MYO7A: variants seen among roughly 807,000 people sequenced by gnomAD.
The protein encoded by MYO7A is unconventional myosin-VIIa.
In MYO7A, 210 loss-of-function variants were observed where a neutral mutation model predicts 263.8. The observed-to-expected ratio is 0.80, with a 90% CI of 0.71 to 0.89. The LOEUF (loss-of-function observed/expected upper bound fraction) is 0.89, where lower values mean the gene tolerates loss of function less well. Among genes scored for constraint, MYO7A ranks in the 40% least tolerant of loss-of-function variants. The pLI is 0.00. For missense variants in MYO7A, 2,820 were observed against 2,968.3 expected, an observed-to-expected ratio of 0.95 and a Z score of 1.16; for synonymous variants, 1,239 against 1,197.3, an observed-to-expected ratio of 1.03 and a Z score of -0.72.
chr11:77,142,954 C>A, intron 3 of MYO7A, 132 bp downstream of exon 3: 1 of 744,714 alleles, frequency 1.3e-6, no homozygotes, highest in South Asian at 1.7e-5. Context: ...CTCTCAGATG[C>A]CCCCTTCCAT....
At chr11:77,164,692 C>A (rs1183848570) in intron 14 of MYO7A, among the ~76,000 whole-genome samples, 1 of 152,226 alleles carries the variant, frequency 6.6e-6, no homozygotes, top group African/African-American at 2.4e-5. Context: ...TTCAGTTCAA[C>A]CAATATGCTC....
rs547493219 is a variant in MYO7A, at chr11:77,187,491, C to T, written c.3504-1853C>T. Among the ~76,000 whole-genome samples the T allele has an allele frequency of 2.4e-4, 36 of 152,310 alleles. No individual in the cohort carries two copies. The South Asian group carries it at 7.5e-3, about 32-fold the overall frequency. The stretch of plus-strand genomic sequence containing the variant: ...GCTTTGATCATCATCATCCAACATG[C>T]ATTTCCTGCTTTAACCCCGCTGCCG... On this transcript the variant is annotated intron_variant, in intron 27 of 48. Transcript: ENST00000409709.
intron 16 of MYO7A, 35 bp downstream of exon 16, chr11:77,172,920 G>C (rs1555077405): frequency 1.3e-6 from 2 of 1,533,288 alleles, no homozygotes; most frequent in South Asian, 2.4e-5. Flanking sequence ...GCGGGTGGCG[G>C]CTAGGGTGAC....
At chr11:77,147,291 C>T (rs184894879) in intron 3 of MYO7A, among the ~76,000 whole-genome samples, 96 of 152,190 alleles carry the variant, frequency 6.3e-4, no homozygotes, top group African/African-American at 8.2e-4. Context: ...GCCACCTCCT[C>T]GGAGGGGCAG....
At position 77,183,380 on chromosome 11, in the gene MYO7A, G is replaced by A. The variant is rs558974239; in HGVS notation, c.3375+223G>A. ...GGGTGGGATCTCAGGCCGGGGGTGG[G>A]AAGGGCTTCCTAGCAGAGGGCACTG... On this transcript the variant is annotated intron_variant, in intron 26 of 48. Coordinates refer to ENST00000409709, the MANE Select transcript of MYO7A (RefSeq NM_000260.4). Among the ~76,000 whole-genome samples the A allele has an allele frequency of 5.3e-5, 8 of 152,248 alleles. No individual in the cohort carries two copies. In the East Asian group the frequency reaches 1.4e-3, roughly 26 times the overall value.
Position 77,156,886 on chromosome 11 carries a change from G to C in MYO7A, c.617G>C (p.Arg206Pro). Residue 206 changes from arginine to proline, a missense_variant, in exon 7 of 49, where the codon CGC (arginine) becomes CCC (proline). Transcript: ENST00000409709. The stretch of plus-strand genomic sequence containing the variant: ...GCATTTGGGAATGCCAAGACCATCC[G>C]CAATGACAACTCAAGCCGTTTCGGA... ...LEAFGNAKTI[R>P]NDNSSRFGKY... The C allele has an allele frequency of 6.2e-7, 1 of 1,613,950 alleles. No homozygotes were observed.
rs782804896 is a variant in MYO7A, at chr11:77,135,869, G to A, written c.18+5217G>A. Among the ~76,000 whole-genome samples, 9 of 152,168 alleles carry A rather than the reference G, an allele frequency of 5.9e-5. No homozygotes were observed. The East Asian group carries it at 1.4e-3, about 23-fold the overall frequency. Reference sequence around the variant, plus strand: ...AGCATCTTTTCATGTGCCTTTGGTCGCTTTGTATATCTTTTTTGGAGAAAT... The same window carrying A: ...AGCATCTTTTCATGTGCCTTTGGTCACTTTGTATATCTTTTTTGGAGAAAT... On this transcript the variant is annotated intron_variant, in intron 2 of 48. Transcript: ENST00000409709.
Position 77,156,022 on chromosome 11 carries a change from T to A in MYO7A, c.401T>A (p.Ile134Asn), listed in dbSNP as rs111033181. The A allele has an allele frequency of 4.1e-5, 66 of 1,613,824 alleles. No individual in the cohort carries two copies. Among genetic ancestry groups the A allele is most frequent in the Non-Finnish European group, 5.1e-5 (60 of 1,179,894 alleles). ...NKKIGEMPPH[I>N]FAIADNCYFN... ...AAGATTGGGGAGATGCCCCCCCACATCTTTGCCATTGCTGACAACTGCTAC... is the reference window on the plus strand; with the variant it reads ...AAGATTGGGGAGATGCCCCCCCACAACTTTGCCATTGCTGACAACTGCTAC... The change falls in exon 5 of 49, where the codon ATC becomes AAC. Residue 134 changes from isoleucine to asparagine, a missense_variant. By Grantham distance (149) the Ile-to-Asn change is moderately radical. Coordinates refer to ENST00000409709, the MANE Select transcript of MYO7A (RefSeq NM_000260.4).
intron 4 of MYO7A, 83 bp from the exon 5 acceptor site, chr11:77,155,824 G>T: frequency 7.1e-7 from 1 of 1,412,020 alleles, no homozygotes; most frequent in Non-Finnish European, 9.5e-7. Flanking sequence ...CAGGGTGCTG[G>T]AGCAGGGCAG....
rs782483355 is a variant in MYO7A at position 77,177,634 on chromosome 11, T to G, written c.2273T>G (p.Phe758Cys). 4.3e-6 allele frequency: 7 copies of G among 1,609,478 alleles called. No homozygotes were observed. The South Asian group carries it at 7.8e-5, about 18-fold the overall frequency. ...CTCCTTCAGAAAGTCATCCGGGGAT[T>G]CAAAGACAGGTGCGTGTTCCCACCA... ...VILLQKVIRGFKDRSNFLKLK... is the reference protein window; with the variant it reads ...VILLQKVIRGCKDRSNFLKLK... The change falls in exon 19 of 49, where the codon TTC (phenylalanine) becomes TGC (cysteine). Residue 758 changes from phenylalanine to cysteine, a missense_variant. Coordinates refer to ENST00000409709, the MANE Select transcript of MYO7A (RefSeq NM_000260.4).
intron 14 of MYO7A, among the ~76,000 whole-genome samples, chr11:77,165,768 T>C (rs546116878): frequency 5.5e-4 from 84 of 152,274 alleles, no homozygotes; most frequent in South Asian, 1.0e-3. Context: ...TCATGGTAGC[T>C]TTGGGGTGGT....
chr11:77,211,302 C>T lies in MYO7A; in HGVS notation c.6202C>T (p.Leu2068Phe). 6.3e-7 allele frequency: 1 copy of T among 1,583,416 alleles called. No individual in the cohort carries two copies. Among genetic ancestry groups the T allele is most frequent in the Non-Finnish European group, 8.6e-7 (1 of 1,165,150 alleles). ...KLLRELVPQD[L>F]IRQVSPDDWK... ...GCTGCGGGAGCTGGTGCCCCAGGAC[C>T]TTATCCGGCAGGTCTCACCTGATGA... is the stretch of plus-strand genomic sequence containing the variant. Residue 2068 changes from leucine (L) to phenylalanine (F), a missense_variant, in exon 45 of 49, where the codon CTT (leucine) becomes TTT (phenylalanine). Leu to Phe is a conservative substitution (Grantham distance 22). Transcript: ENST00000409709.
At position 77,190,037 on chromosome 11, in the gene MYO7A, C is replaced by T; in HGVS notation, c.3648C>T (p.Ile1216=). ...EKFVKYLRNF[I]HGGPPGYAPY... is the part of the protein sequence containing the mutation. ...GGCTGCAGTACCTGCGGAACTTCAT[C>T]CACGGGGGCCCGCCCGGCTACGCCC... is the stretch of plus-strand genomic sequence containing the variant. The change falls in exon 29 of 49, where the codon ATC becomes ATT. Residue 1216 remains isoleucine, a synonymous_variant. Coordinates refer to ENST00000409709, the MANE Select transcript of MYO7A (RefSeq NM_000260.4). 2 of 1,557,740 alleles carry T rather than the reference C, an allele frequency of 1.3e-6. No individual in the cohort carries two copies. The highest frequency in any genetic ancestry group is 4.8e-5 in the East Asian group (2 of 41,738).
chr11:77,178,915 G>A, intron 19 of MYO7A, 130 bp from the exon 20 acceptor site: 2 of 682,674 alleles, frequency 2.9e-6, no homozygotes, highest in Non-Finnish European at 5.2e-6. Flanking sequence ...CAGAAGTTAT[G>A]TGCCTTGCCC....
intron 2 of MYO7A, among the ~76,000 whole-genome samples, chr11:77,140,346 G>A (rs1319504188): frequency 1.3e-5 from 2 of 152,174 alleles, no homozygotes. Flanking sequence ...AGCTGCATGT[G>A]GGACTGGGCC....
intron 9 of MYO7A, among the ~76,000 whole-genome samples, chr11:77,158,773 G>A (rs1162514466): frequency 6.6e-6 from 1 of 152,212 alleles, no homozygotes; most frequent in Non-Finnish European, 1.5e-5. Context: ...TCACTCTAAG[G>A]TGTGAGTGAC....
Position 77,179,854 on chromosome 11 carries a change from G to A in MYO7A, c.2487G>A (p.Val829=), listed in dbSNP as rs1452906057. ...QFQARCRAYL[V]RKAFRHRLWA... is the part of the protein sequence containing the mutation. ...AGGCCCGCTGCCGCGCCTATCTGGT[G>A]CGCAAGGCCTTCCGCCACCGCCTCT... Residue 829 remains valine, a synonymous_variant, in exon 21 of 49, where the codon GTG becomes GTA. Coordinates refer to ENST00000409709, the MANE Select transcript of MYO7A (RefSeq NM_000260.4). 28 of 1,542,042 alleles carry A rather than the reference G, an allele frequency of 1.8e-5. No homozygotes were observed. The highest frequency in any genetic ancestry group is 2.4e-5 in the Non-Finnish European group (27 of 1,146,824).
intron 37 of MYO7A, 139 bp downstream of exon 37, chr11:77,202,563 T>C: frequency 2.6e-6 from 3 of 1,168,216 alleles, no homozygotes; most frequent in Non-Finnish European, 2.3e-6. Flanking sequence ...TGGAGGGCTG[T>C]TTCTGTCTGC....
At position 77,138,427 on chromosome 11, in the gene MYO7A, G is replaced by A. The variant is rs557262618; in HGVS notation, c.19-4282G>A. On this transcript the variant is annotated intron_variant, in intron 2 of 48. Coordinates refer to ENST00000409709, the MANE Select transcript of MYO7A (RefSeq NM_000260.4). The surrounding 1 kb of genome is among the most constrained non-coding windows in gnomAD (Gnocchi z 4.9). Reference sequence around the variant, plus strand: ...CTACGCCGTCCTGCCGGTGAGGCCCGGGCCAGGAGGGGAGAAGGGAGGGGG... The same window carrying A: ...CTACGCCGTCCTGCCGGTGAGGCCCAGGCCAGGAGGGGAGAAGGGAGGGGG... 1.7e-3 allele frequency among the ~76,000 whole-genome samples: 266 copies of A among 152,314 alleles called. No individual in the cohort carries two copies. The highest frequency in any genetic ancestry group is 6.2e-3 in the African/African-American group (258 of 41,574).
Sources: allele counts gnomAD v4.1 joint callset (sites outside exome capture counted in the v4.1 genomes callset), GRCh38; gene constraint gnomAD v4.1.1; non-coding constraint Gnocchi (gnomAD v3.1); transcripts MANE v1.5; gene names NCBI Gene and HGNC (gene_info 2026-07-23, HGNC 2026-07-21).